The following IMMP2L variants were observed in gnomAD, a reference collection of about 807,000 sequenced individuals.
The protein encoded by IMMP2L is mitochondrial inner membrane protease subunit 2.
A neutral mutation model predicts 19.3 loss-of-function variants in IMMP2L; 18 were observed. The observed-to-expected ratio is 0.93, with a 90% CI of 0.64 to 1.38. The LOEUF is 1.38. Ranked by LOEUF, IMMP2L falls within the 40% of genes most tolerant of loss-of-function variation. IMMP2L has a pLI of 0.00. For synonymous variants in IMMP2L, 76 were observed against 73.0 expected (o/e 1.04, Z -0.21); for missense variants, 233 against 218.2 (o/e 1.07, Z -0.43).
intron 4 of IMMP2L, among the ~76,000 whole-genome samples, chr7:110,900,427 C>T (rs958292942): frequency 6.6e-6 from 1 of 152,178 alleles, no homozygotes; most frequent in African/African-American, 2.4e-5. Flanking sequence ...CCTTAGCGTC[C>T]ATGCTGGTCC....
intron 3 of IMMP2L, among the ~76,000 whole-genome samples, chr7:111,433,793 A>T (rs1836870697): frequency 6.6e-6 from 1 of 151,820 alleles, no homozygotes; most frequent in South Asian, 2.1e-4. Flanking sequence ...GAAAGTGTAG[A>T]TGACACAACC....
intron 1 of IMMP2L, among the ~76,000 whole-genome samples, chr7:111,531,312 T>C (rs1316001508): frequency 6.6e-6 from 1 of 151,566 alleles, no homozygotes; most frequent in African/African-American, 2.4e-5. Context: ...CTCATCAATA[T>C]GGACATCTTC....
At chr7:110,684,217 G>A (rs1792941534) in intron 5 of IMMP2L, among the ~76,000 whole-genome samples, 1 of 152,058 alleles carries the variant, frequency 6.6e-6, no homozygotes, top group South Asian at 2.1e-4. Flanking sequence ...GACTACTTGA[G>A]AGCAGTTTAT....
intron 3 of IMMP2L, among the ~76,000 whole-genome samples, chr7:111,381,628 C>A (rs1429930992): frequency 6.6e-6 from 1 of 151,738 alleles, no homozygotes; most frequent in Non-Finnish European, 1.5e-5. Flanking sequence ...ATTGCAATCG[C>A]CAAGGTGAGA....
At chr7:110,790,435 A>T (rs1800385815) in intron 5 of IMMP2L, among the ~76,000 whole-genome samples, 1 of 151,816 alleles carries the variant, frequency 6.6e-6, no homozygotes. Context: ...AGAGAGGAAG[A>T]AGCATCAAGG....
chr7:111,280,401 T>C (rs1819555710), intron 3 of IMMP2L, among the ~76,000 whole-genome samples: 1 of 152,140 alleles, frequency 6.6e-6, no homozygotes, highest in Admixed American at 6.6e-5. Flanking sequence ...ATCCCAAGAT[T>C]GTATTTATTA....
chr7:111,437,107 A>T (rs1837252799), intron 3 of IMMP2L, among the ~76,000 whole-genome samples: 1 of 151,774 alleles, frequency 6.6e-6, no homozygotes, highest in Non-Finnish European at 1.5e-5. Context: ...TATATAACGC[A>T]CTTATTCTTT....
At chr7:111,449,090 CCAGGACCAGATGGATT>C (rs1193493366) in intron 3 of IMMP2L, among the ~76,000 whole-genome samples, 6 of 150,466 alleles carry the variant, frequency 4.0e-5, no homozygotes, top group Non-Finnish European at 8.9e-5. Flanking sequence ...CAAAAAGAGT[CCAGGACCAGATGGATT>C]CACAGCCGAA....
At chr7:110,777,326 C>T (rs961834029) in intron 5 of IMMP2L, among the ~76,000 whole-genome samples, 6 of 152,044 alleles carry the variant, frequency 3.9e-5, no homozygotes, top group Non-Finnish European at 7.4e-5. Flanking sequence ...CTATGACAAC[C>T]CCACGAGCCA....
chr7:111,534,979 G>C (rs904460467), intron 1 of IMMP2L, among the ~76,000 whole-genome samples: 1 of 152,126 alleles, frequency 6.6e-6, no homozygotes, highest in African/African-American at 2.4e-5. Context: ...TACAACAAAG[G>C]AAGAAAACCA....
intron 3 of IMMP2L, among the ~76,000 whole-genome samples, chr7:111,297,161 C>T (rs1821726496): frequency 6.6e-6 from 1 of 152,092 alleles, no homozygotes; most frequent in African/African-American, 2.4e-5. Flanking sequence ...CATGAATCTA[C>T]AAATGTGACA....
chr7:110,900,017 T>G (rs1811702449), intron 4 of IMMP2L, among the ~76,000 whole-genome samples: 1 of 152,196 alleles, frequency 6.6e-6, no homozygotes, highest in Admixed American at 6.5e-5. Context: ...TCCATTCAGA[T>G]AGGAAGAGCA....
At chr7:111,049,834 G>T (rs1338070505) in intron 3 of IMMP2L, among the ~76,000 whole-genome samples, 1 of 152,208 alleles carries the variant, frequency 6.6e-6, no homozygotes, top group Admixed American at 6.5e-5. Flanking sequence ...AGGGACTGAA[G>T]ACAGTAAATA....
chr7:111,024,223 T>C (rs1012951849), intron 3 of IMMP2L, among the ~76,000 whole-genome samples: 2 of 152,178 alleles, frequency 1.3e-5, no homozygotes, highest in African/African-American at 4.8e-5. Context: ...ATGAAATAAA[T>C]AGCATATATT....
intron 5 of IMMP2L, among the ~76,000 whole-genome samples, chr7:110,665,415 A>G (rs966642431): frequency 2.6e-5 from 4 of 152,222 alleles, no homozygotes; most frequent in African/African-American, 9.6e-5. Flanking sequence ...ACATGATACC[A>G]TTATTATACA....
At chr7:111,194,790 T>C (rs971680063) in intron 3 of IMMP2L, among the ~76,000 whole-genome samples, 14 of 152,284 alleles carry the variant, frequency 9.2e-5, no homozygotes, top group African/African-American at 3.4e-4. Context: ...TATCTAACCT[T>C]ATATTAGAAA....
chr7:111,335,934 T>C (rs1044737426), intron 3 of IMMP2L, among the ~76,000 whole-genome samples: 1 of 152,152 alleles, frequency 6.6e-6, no homozygotes, highest in Non-Finnish European at 1.5e-5. Flanking sequence ...GGGTAGGAAT[T>C]GCTCTTGGCT....
At chr7:110,782,526 CT>C (rs930658158) in intron 5 of IMMP2L, among the ~76,000 whole-genome samples, 2 of 151,644 alleles carry the variant, frequency 1.3e-5, no homozygotes, top group African/African-American at 2.4e-5. Flanking sequence ...CTTTTTAAGA[CT>C]TTTTTTGTAA....
intron 5 of IMMP2L, among the ~76,000 whole-genome samples, chr7:110,836,126 C>T (rs1804447698): frequency 1.3e-5 from 2 of 152,000 alleles, no homozygotes; most frequent in Non-Finnish European, 2.9e-5. Flanking sequence ...AAACATGTGA[C>T]CTGGTGGAAT....
Sources: allele counts gnomAD v4.1 joint callset (sites outside exome capture counted in the v4.1 genomes callset), GRCh38; gene constraint gnomAD v4.1.1; transcripts MANE v1.5; gene names NCBI Gene and HGNC (gene_info 2026-07-23, HGNC 2026-07-21).